The following NKAIN3 variants were observed in gnomAD, a reference collection of about 807,000 sequenced individuals.
NKAIN3 encodes sodium/potassium transporting ATPase interacting 3.
Under a neutral mutation model 30.2 loss-of-function variants are expected in NKAIN3, and 25 were observed. That is an observed-to-expected ratio of 0.83 (90% CI 0.60 to 1.16). NKAIN3 has a LOEUF of 1.16. Among genes scored for constraint, NKAIN3 ranks in the 50% most tolerant of loss-of-function variants. The pLI, the probability that NKAIN3 is intolerant of heterozygous loss-of-function variation, is 0.00. For synonymous variants in NKAIN3, 91 were observed against 89.6 expected (o/e 1.02, Z -0.09); for missense variants, 225 against 254.1 (o/e 0.89, Z 0.78).
chr8:62,655,296 T>C (rs755906968), intron 3 of NKAIN3, among the ~76,000 whole-genome samples: 1 of 152,150 alleles, frequency 6.6e-6, no homozygotes, highest in Non-Finnish European at 1.5e-5. Flanking sequence ...AACAAAAATA[T>C]TGACAGTCAC....
At chr8:62,561,712 T>C (rs928034214) in intron 1 of NKAIN3, among the ~76,000 whole-genome samples, 1 of 152,146 alleles carries the variant, frequency 6.6e-6, no homozygotes, top group Non-Finnish European at 1.5e-5. Flanking sequence ...TGAGATACTG[T>C]ACATAATGCC....
chr8:62,702,905 G>T (rs546959655), intron 3 of NKAIN3, among the ~76,000 whole-genome samples: 1 of 152,140 alleles, frequency 6.6e-6, no homozygotes, highest in African/African-American at 2.4e-5. Context: ...ACATGTCAAT[G>T]TAAATGTCAA....
intron 6 of NKAIN3, among the ~76,000 whole-genome samples, chr8:62,957,862 C>G (rs142063452): frequency 4.6e-5 from 7 of 152,094 alleles, no homozygotes; most frequent in African/African-American, 1.7e-4. Context: ...CGATAGGCTT[C>G]GAGTGACTAT....
downstream of NKAIN3, among the ~76,000 whole-genome samples, chr8:62,989,167 C>T (rs1429982890): frequency 5.9e-5 from 9 of 152,312 alleles, no homozygotes; most frequent in Non-Finnish European, 1.5e-5. Context: ...CTCACATCTT[C>T]CTTTCTTCTT....
intron 1 of NKAIN3, among the ~76,000 whole-genome samples, chr8:62,420,961 A>G (rs542389457): frequency 6.6e-6 from 1 of 152,298 alleles, no homozygotes; most frequent in East Asian, 1.9e-4. Context: ...CCAAAAGGAA[A>G]ACTTTAAAAA....
intron 5 of NKAIN3, among the ~76,000 whole-genome samples, chr8:62,937,487 A>G (rs1180248834): frequency 6.6e-6 from 1 of 152,098 alleles, no homozygotes; most frequent in African/African-American, 2.4e-5. Flanking sequence ...AGTGAAATAT[A>G]AAAGTAGAAG....
intron 2 of NKAIN3, among the ~76,000 whole-genome samples, chr8:62,583,595 C>A (rs1810369999): frequency 6.6e-6 from 1 of 152,212 alleles, no homozygotes; most frequent in African/African-American, 2.4e-5. Flanking sequence ...GATTGAGCGA[C>A]TAGCCCAAGG....
chr8:62,261,858 G>C (rs1812453893), intron 1 of NKAIN3, among the ~76,000 whole-genome samples: 1 of 152,162 alleles, frequency 6.6e-6, no homozygotes, highest in Non-Finnish European at 1.5e-5. Flanking sequence ...TCATGAGGCA[G>C]ATATTAATAT....
intron 1 of NKAIN3, among the ~76,000 whole-genome samples, chr8:62,517,284 A>G (rs903460087): frequency 6.6e-6 from 1 of 152,164 alleles, no homozygotes; most frequent in African/African-American, 2.4e-5. Context: ...TAAGAATAGT[A>G]TAAAATATGC....
chr8:62,712,362 G>A (rs972746934), intron 3 of NKAIN3, among the ~76,000 whole-genome samples: 3 of 152,134 alleles, frequency 2.0e-5, no homozygotes, highest in Non-Finnish European at 2.9e-5. Context: ...TCAGGTGGGG[G>A]TTGGGGTAGG....
chr8:62,608,064 T>A (rs188243465), intron 3 of NKAIN3, among the ~76,000 whole-genome samples: 53 of 152,328 alleles, frequency 3.5e-4, no homozygotes, highest in Middle Eastern at 3.4e-3. Flanking sequence ...AGACTCCTTA[T>A]GTGTGTCATT....
intron 4 of NKAIN3, among the ~76,000 whole-genome samples, chr8:62,829,479 A>G (rs1194716015): frequency 6.6e-6 from 1 of 152,224 alleles, no homozygotes; most frequent in Non-Finnish European, 1.5e-5. Context: ...CAAACCAGGT[A>G]GAGAGGTCCC....
chr8:62,934,211 C>T (rs1478995893), intron 5 of NKAIN3, among the ~76,000 whole-genome samples: 1 of 149,768 alleles, frequency 6.7e-6, no homozygotes, highest in African/African-American at 2.5e-5. Flanking sequence ...ATGGTGAGAC[C>T]TTCTCTCTAA....
At chr8:62,825,740 ATCT>A (rs1819001264) in intron 4 of NKAIN3, among the ~76,000 whole-genome samples, 1 of 152,106 alleles carries the variant, frequency 6.6e-6, no homozygotes, top group Non-Finnish European at 1.5e-5. Flanking sequence ...TCCCCAGATA[ATCT>A]TCAGTGCAGC....
intron 4 of NKAIN3, among the ~76,000 whole-genome samples, chr8:62,747,382 A>G (rs73268809): frequency 7.6e-4 from 116 of 152,344 alleles, no homozygotes; most frequent in African/African-American, 2.7e-3. Context: ...ACACTATTCA[A>G]TGAAACAGTA....
chr8:62,423,068 G>GA (rs1167226913), intron 1 of NKAIN3, among the ~76,000 whole-genome samples: 1 of 151,974 alleles, frequency 6.6e-6, no homozygotes, highest in Non-Finnish European at 1.5e-5. Context: ...AGGTAGCTGG[G>GA]AAAAACCATA....
chr8:62,313,374 T>A (rs1814509766), intron 1 of NKAIN3, among the ~76,000 whole-genome samples: 1 of 142,116 alleles, frequency 7.0e-6, no homozygotes, highest in Non-Finnish European at 1.5e-5. Flanking sequence ...ATATATTCAT[T>A]CTTCTTTCAG....
intron 6 of NKAIN3, among the ~76,000 whole-genome samples, chr8:62,955,373 G>T (rs1165025936): frequency 1.3e-5 from 2 of 152,156 alleles, no homozygotes; most frequent in Non-Finnish European, 2.9e-5. Flanking sequence ...GTTGATGTTT[G>T]TAGATATGGG....
intron 1 of NKAIN3, among the ~76,000 whole-genome samples, chr8:62,255,682 G>A (rs1472667582): frequency 6.6e-6 from 1 of 152,184 alleles, no homozygotes; most frequent in Non-Finnish European, 1.5e-5. Context: ...ACTTACGGGT[G>A]GCAGAAGGTT....
Sources: gnomAD v4.1 joint callset for allele counts (sites outside exome capture counted in the v4.1 genomes callset) on GRCh38, gnomAD v4.1.1 for gene constraint, MANE v1.5 for transcripts, NCBI Gene and HGNC (gene_info 2026-07-23, HGNC 2026-07-21) for gene names.